The following FIGN variants were observed in gnomAD, a reference collection of about 807,000 sequenced individuals.
FIGN encodes the protein fidgetin.
A neutral mutation model predicts 51.3 loss-of-function variants in FIGN; 11 were observed. The observed-to-expected ratio is 0.21, with a 90% confidence interval of 0.13 to 0.35. The LOEUF is 0.35. Among genes scored for constraint, FIGN ranks in the 10% least tolerant of loss-of-function variants. The pLI is 1.00. For missense variants in FIGN, 857 were observed against 943.6 expected, an observed-to-expected ratio of 0.91 and a Z score of 1.20; for synonymous variants, 407 against 363.2, an observed-to-expected ratio of 1.12 and a Z score of -1.37.
rs1559004364 is a variant in FIGN, at chr2:163,636,776, C to T, written c.26-24970G>A. ...AACTGTAATATTAAATAGAATTTAC[C>T]AAGTAAAGCATATGTCTGTTCATAT... is the stretch of plus-strand genomic sequence containing the variant. On this transcript the variant is annotated intron_variant, in intron 2 of 2. Coordinates refer to ENST00000333129, the MANE Select transcript of FIGN (RefSeq NM_018086.4). Among the ~76,000 whole-genome samples the T allele has an allele frequency of 2.6e-5, 4 of 151,574 alleles. No individual in the cohort carries two copies. The South Asian group carries it at 8.4e-4, about 32-fold the overall frequency.
intron 2 of FIGN, among the ~76,000 whole-genome samples, chr2:163,698,010 C>T (rs1454216275): frequency 2.6e-5 from 4 of 152,134 alleles, no homozygotes; most frequent in Non-Finnish European, 4.4e-5. Context: ...CCTTCCTGCT[C>T]ACAGTGCACC....
At chr2:163,713,763 AT>A (rs1281105900) in intron 2 of FIGN, among the ~76,000 whole-genome samples, 3 of 152,192 alleles carry the variant, frequency 2.0e-5, no homozygotes, top group African/African-American at 7.2e-5. Context: ...CAGCAGGGTG[AT>A]AAAATTAAAG....
intron 2 of FIGN, among the ~76,000 whole-genome samples, chr2:163,616,664 G>C (rs923263902): frequency 5.3e-5 from 8 of 151,942 alleles, no homozygotes; most frequent in African/African-American, 1.9e-4. Context: ...ACATTTCTTT[G>C]AGCTATTGCA....
At chr2:163,661,880 A>G (rs1222303098) in intron 2 of FIGN, among the ~76,000 whole-genome samples, 3 of 152,180 alleles carry the variant, frequency 2.0e-5, no homozygotes, top group Non-Finnish European at 4.4e-5. Context: ...GTGGAACTGT[A>G]AGTCCAACTA....
chr2:163,661,419 G>T (rs1683681313), intron 2 of FIGN, among the ~76,000 whole-genome samples: 2 of 151,324 alleles, frequency 1.3e-5, no homozygotes, highest in South Asian at 2.1e-4. Flanking sequence ...TTTTGTAGAT[G>T]GAGTTTCGCT....
intron 2 of FIGN, among the ~76,000 whole-genome samples, chr2:163,658,730 C>G (rs73974364): frequency 0.054 from 8,243 of 152,234 alleles, 682 homozygotes; most frequent in African/African-American, 0.18. Context: ...CAGGAGGGAT[C>G]TGCCTGCACA....
chr2:163,733,562 A>G (rs1214449249), intron 2 of FIGN, among the ~76,000 whole-genome samples: 2 of 152,222 alleles, frequency 1.3e-5, no homozygotes, highest in African/African-American at 4.8e-5. Context: ...CTCCGGGGGA[A>G]AAAAAGCTGT....
Position 163,610,977 on chromosome 2 carries a change from TA to T in FIGN, c.854del (p.Leu285HisfsTer16). 6.2e-7 allele frequency: 1 copy of T among 1,603,326 alleles called. No homozygotes were observed. The highest frequency in any genetic ancestry group is 1.4e-5 in the African/African-American group (1 of 72,398). On this transcript the variant is annotated frameshift_variant, in exon 3 of 3. Coordinates refer to ENST00000333129, the MANE Select transcript of FIGN (RefSeq NM_018086.4). LOFTEE classifies it high-confidence loss of function. Reference sequence around the variant, plus strand: ...TGTAGCCAGGAACAGTGGTGGGGGGTAGGGGGGTGGGAGCAGGAATTCCTGA... The same window carrying T: ...TGTAGCCAGGAACAGTGGTGGGGGGTGGGGGGTGGGAGCAGGAATTCCTGA... ...LPSGIPAPTPLPPTTVPGYTY... is the reference protein window; with the variant it reads ...LPSGIPAPTPXPPTTVPGYTY...
chr2:163,654,227 A>G (rs1683524264), intron 2 of FIGN, among the ~76,000 whole-genome samples: 1 of 152,148 alleles, frequency 6.6e-6, no homozygotes, highest in Non-Finnish European at 1.5e-5. Context: ...AATCTTGGAC[A>G]GATTGCTATG....
intron 2 of FIGN, among the ~76,000 whole-genome samples, chr2:163,615,101 C>T (rs1167803059): frequency 1.3e-5 from 2 of 152,132 alleles, no homozygotes; most frequent in East Asian, 1.9e-4. Context: ...TTACTGGATA[C>T]ACCATTGCCT....
At chr2:163,671,594 C>T (rs1683877253) in intron 2 of FIGN, among the ~76,000 whole-genome samples, 1 of 152,116 alleles carries the variant, frequency 6.6e-6, no homozygotes, top group African/African-American at 2.4e-5. Context: ...CACAAAATTA[C>T]CCATGTAGTT....
intron 2 of FIGN, among the ~76,000 whole-genome samples, chr2:163,667,888 G>A (rs1321340825): frequency 6.6e-6 from 1 of 152,092 alleles, no homozygotes; most frequent in Non-Finnish European, 1.5e-5. Context: ...CTAGCGCAGA[G>A]CCTGGAATAT....
intron 2 of FIGN, among the ~76,000 whole-genome samples, chr2:163,643,650 C>CA (rs60064980): frequency 0.053 from 5,251 of 99,278 alleles, 274 homozygotes; most frequent in African/African-American, 0.16. Context: ...GACTCAGTCT[C>CA]AAAAAAAAAA....
chr2:163,639,589 C>T (rs1683276769), intron 2 of FIGN, among the ~76,000 whole-genome samples: 1 of 152,048 alleles, frequency 6.6e-6, no homozygotes, highest in South Asian at 2.1e-4. Flanking sequence ...TTCTTTACCA[C>T]AATATATTTG....
At chr2:163,655,097 GTTTTA>G (rs1461025014) in intron 2 of FIGN, among the ~76,000 whole-genome samples, 3 of 151,710 alleles carry the variant, frequency 2.0e-5, no homozygotes, top group East Asian at 1.9e-4. Context: ...CTCAAGAGAC[GTTTTA>G]TTTTATTTTA....
intron 2 of FIGN, among the ~76,000 whole-genome samples, chr2:163,638,731 TATCA>T (rs554498956): frequency 7.2e-5 from 11 of 152,202 alleles, no homozygotes; most frequent in Non-Finnish European, 1.6e-4. Flanking sequence ...TTCATTCAGC[TATCA>T]ATCAATCAAT....
At chr2:163,689,763 A>T (rs1684210255) in intron 2 of FIGN, among the ~76,000 whole-genome samples, 1 of 152,182 alleles carries the variant, frequency 6.6e-6, no homozygotes, top group African/African-American at 2.4e-5. Context: ...CAGATGAAAA[A>T]TACAGCATTT....
chr2:163,664,798 C>T (rs1449165424), intron 2 of FIGN, among the ~76,000 whole-genome samples: 1 of 152,216 alleles, frequency 6.6e-6, no homozygotes, highest in Non-Finnish European at 1.5e-5. Flanking sequence ...CAACAGATTT[C>T]CTTCAAATGA....
At chr2:163,726,980 C>T (rs1322581400) in intron 2 of FIGN, among the ~76,000 whole-genome samples, 2 of 151,976 alleles carry the variant, frequency 1.3e-5, no homozygotes, top group East Asian at 3.8e-4. Context: ...CCTTTTTTAT[C>T]CTACTCAGAA....
Sources: allele counts gnomAD v4.1 joint callset (sites outside exome capture counted in the v4.1 genomes callset), GRCh38; gene constraint gnomAD v4.1.1; transcripts MANE v1.5; gene names NCBI Gene and HGNC (gene_info 2026-07-23, HGNC 2026-07-21).